COL17A1: variants seen among roughly 807,000 people sequenced by gnomAD.
The protein encoded by COL17A1 is collagen type XVII alpha 1 chain.
Under a neutral mutation model 218.4 loss-of-function variants are expected in COL17A1, and 181 were observed. The observed-to-expected ratio is 0.83, with a 90% CI of 0.73 to 0.94. The LOEUF (loss-of-function observed/expected upper bound fraction) is 0.94. Among genes scored for constraint, COL17A1 ranks in the 40% least tolerant of loss-of-function variants. COL17A1 has a pLI of 0.00. For missense variants in COL17A1, 1,924 were observed against 1,945.9 expected (o/e 0.99, Z 0.21); for synonymous variants, 721 against 731.0 (o/e 0.99, Z 0.22).
Position 104,054,124 on chromosome 10 carries a change from G to C in COL17A1, c.1745-6C>G. 2 of 1,606,258 alleles carry C rather than the reference G, an allele frequency of 1.2e-6. No homozygotes were observed. The highest frequency in any genetic ancestry group is 1.7e-6 in the Non-Finnish European group (2 of 1,176,336). On this transcript the variant is annotated splice_polypyrimidine_tract_variant and splice_region_variant and intron_variant, in intron 20 of 55. Transcript: ENST00000648076. ...CCCAGGGAACCCTCGATCTCCTGCAGGAACAAAGGCAAAAGAGAGAGTGGT... is the reference window on the plus strand; with the variant it reads ...CCCAGGGAACCCTCGATCTCCTGCACGAACAAAGGCAAAAGAGAGAGTGGT...
At chr10:104,055,649 GA>G in intron 18 of COL17A1, 132 bp downstream of exon 18, 1 of 1,325,168 alleles carries the variant, frequency 7.5e-7, no homozygotes, top group East Asian at 2.5e-5. Flanking sequence ...CAGCGCTATT[GA>G]GAGGATCAGG....
At chr10:104,052,722 C>T (rs981887074) in intron 23 of COL17A1, among the ~76,000 whole-genome samples, 14 of 152,178 alleles carry the variant, frequency 9.2e-5, no homozygotes, top group Admixed American at 6.5e-4. Context: ...CTGCCCTGCC[C>T]CCTGAGCCCC....
Position 104,077,490 on chromosome 10 carries a change from G to C in COL17A1, c.134C>G (p.Ser45Cys), listed in dbSNP as rs781524207. The change falls in exon 4 of 56, where the codon TCT becomes TGT. Residue 45 changes from serine to cysteine, a missense_variant. Transcript: ENST00000648076. ...CTCCAGCCGGCTCCCTCCACCAAGA[G>C]AGGCTGTTTTAGCATAGCCATTGCT... ...GTSNGYAKTA[S>C]LGGGSRLEKQ... 2.4e-5 allele frequency: 39 copies of C among 1,613,370 alleles called. No homozygotes were observed. The highest frequency in any genetic ancestry group is 3.1e-5 in the Non-Finnish European group (37 of 1,179,860).
chr10:104,083,740 A>G (rs1182307401), intron 1 of COL17A1, among the ~76,000 whole-genome samples: 1 of 152,260 alleles, frequency 6.6e-6, no homozygotes, highest in Non-Finnish European at 1.5e-5. Context: ...GGTTTAAACC[A>G]TCACATTATC....
rs1245631146 is a variant in COL17A1, at chr10:104,035,319, A to AT, written c.3562dup (p.Ile1188AsnfsTer54). 3.1e-6 allele frequency: 5 copies of AT among 1,614,068 alleles called. No individual in the cohort carries two copies. Among genetic ancestry groups the AT allele is most frequent in the Non-Finnish European group, 4.2e-6 (5 of 1,180,026 alleles). ...GATGCTGGACCACACATTGCCTGGG[A>AT]TCCCTGGTGGACCCGGGGGACCTGG... On this transcript the variant is annotated frameshift_variant, in exon 50 of 56. Transcript: ENST00000648076. LOFTEE classifies it high-confidence loss of function.
chr10:104,049,302 G>T, intron 29 of COL17A1, 107 bp downstream of exon 29: 1 of 993,084 alleles, frequency 1.0e-6, no homozygotes, highest in Non-Finnish European at 1.6e-6. Context: ...ACCAGGAGTG[G>T]GCAGATTAGA....
intron 3 of COL17A1, among the ~76,000 whole-genome samples, chr10:104,077,810 C>A (rs139439595): frequency 2.0e-4 from 30 of 152,272 alleles, no homozygotes; most frequent in African/African-American, 6.7e-4. Flanking sequence ...TAGCAAGTTG[C>A]ATATTAGGAA....
At chr10:104,076,508 TA>T (rs2086712075) in intron 4 of COL17A1, 79 bp from the exon 5 acceptor site, 2 of 1,598,310 alleles carry the variant, frequency 1.3e-6, no homozygotes, top group Admixed American at 3.3e-5. Context: ...CCAGCTATAT[TA>T]ACCAAGTACA....
intron 31 of COL17A1, 28 bp downstream of exon 31, chr10:104,047,711 C>G: frequency 6.3e-7 from 1 of 1,589,936 alleles, no homozygotes; most frequent in Non-Finnish European, 8.6e-7. Flanking sequence ...CTAAGCAGGG[C>G]CATGGCTCCC....
chr10:104,071,652 T>G (rs535023883), intron 8 of COL17A1, among the ~76,000 whole-genome samples: 3 of 152,270 alleles, frequency 2.0e-5, no homozygotes, highest in African/African-American at 7.2e-5. Context: ...TGAGCCGAAC[T>G]GATCCACTGT....
chr10:104,082,985 G>A (rs974051511), intron 1 of COL17A1, among the ~76,000 whole-genome samples: 6 of 152,210 alleles, frequency 3.9e-5, no homozygotes, highest in African/African-American at 1.4e-4. Flanking sequence ...GGCAGGTACA[G>A]GTAGATGCCT....
At position 104,046,766 on chromosome 10, in the gene COL17A1, T is replaced by G; in HGVS notation, c.2343A>C (p.Thr781=). 1 of 1,613,852 alleles carries G rather than the reference T, an allele frequency of 6.2e-7. No homozygotes were observed. The highest frequency in any genetic ancestry group is 8.5e-7 in the Non-Finnish European group (1 of 1,179,884). ...ACTCACCCTGAGGTCCCTGGGGTCCTGTGAGACCTGCAGAAAATCAGACAC... is the reference window on the plus strand; with the variant it reads ...ACTCACCCTGAGGTCCCTGGGGTCCGGTGAGACCTGCAGAAAATCAGACAC... The part of the protein sequence containing the change: ...PSGDPGKPGL[T]GPQGPQGLPG... Residue 781 remains threonine, a synonymous_variant, in exon 32 of 56, where the codon ACA becomes ACC. Coordinates refer to ENST00000648076, the MANE Select transcript of COL17A1 (RefSeq NM_000494.4).
At chr10:104,033,208 G>A in intron 53 of COL17A1, 30 bp downstream of exon 53, 1 of 1,572,224 alleles carries the variant, frequency 6.4e-7, no homozygotes, top group Non-Finnish European at 8.6e-7. Flanking sequence ...CAGTGAGGCA[G>A]GTGCTGGGAA....
rs543674750 is a variant in COL17A1 at position 104,032,120 on chromosome 10, T to C, written c.*115A>G. The C allele has an allele frequency of 1.7e-3, 1,363 of 784,902 alleles. 3 individuals carry two copies. Among genetic ancestry groups the C allele is most frequent in the Middle Eastern group, 4.9e-3 (17 of 3,462 alleles). 48.6% of individuals were successfully genotyped at this position (784,902 alleles called of 1,614,324 possible). On this transcript the variant is annotated 3_prime_UTR_variant, in exon 56 of 56. Coordinates refer to ENST00000648076, the MANE Select transcript of COL17A1 (RefSeq NM_000494.4). ...AACAAATGTTGCTAGCTAGGTTGGC[T>C]GTGCTGTCTCAGTAGGACATTGACA...
In COL17A1 at chr10:104,057,169, A is replaced by C; in HGVS notation, c.1271T>G (p.Ile424Ser). The C allele has an allele frequency of 6.2e-7, 1 of 1,614,012 alleles. No individual in the cohort carries two copies. The highest frequency in any genetic ancestry group is 8.5e-7 in the Non-Finnish European group (1 of 1,179,938). The change falls in exon 17 of 56, where the codon ATC becomes AGC. Residue 424 changes from isoleucine (I) to serine (S), a missense_variant. Ile to Ser is a moderately radical substitution (Grantham distance 142). Coordinates refer to ENST00000648076, the MANE Select transcript of COL17A1 (RefSeq NM_000494.4). ...STKGKTTTADIHSYGSSGGGG... is the reference protein window; with the variant it reads ...STKGKTTTADSHSYGSSGGGG... ...ACCACCACTGCTGCCGTAGCTGTGGATATCTGTGAAAGAGACAGGGAAAAT... is the reference window on the plus strand; with the variant it reads ...ACCACCACTGCTGCCGTAGCTGTGGCTATCTGTGAAAGAGACAGGGAAAAT...
intron 29 of COL17A1, 174 bp from the exon 30 acceptor site, chr10:104,048,278 TCTC>T: frequency 1.3e-6 from 1 of 774,844 alleles, no homozygotes. Context: ...CACTGCCCCT[TCTC>T]CTAAACCAGC....
intron 1 of COL17A1, among the ~76,000 whole-genome samples, chr10:104,080,908 T>C (rs551281710): frequency 3.6e-4 from 55 of 152,384 alleles, no homozygotes; most frequent in African/African-American, 1.3e-3. Flanking sequence ...TGCTGGGATC[T>C]TGTTTTTCAG....
intron 19 of COL17A1, 33 bp downstream of exon 19, chr10:104,055,339 G>C (rs766137087): frequency 9.9e-6 from 16 of 1,613,708 alleles, no homozygotes; most frequent in Non-Finnish European, 1.4e-5. Context: ...TGCAGGAAAT[G>C]AATCAGAGAC....
chr10:104,036,549 A>G lies in COL17A1; in HGVS notation c.3361T>C (p.Ser1121Pro). ...TCTGCATAGTCCAAAGACAGGAGGGACCCATCTCCACTGGCTCCTGGTGGC... is the reference window on the plus strand; with the variant it reads ...TCTGCATAGTCCAAAGACAGGAGGGGCCCATCTCCACTGGCTCCTGGTGGC... ...PGPPGASGDG[S>P]LLSLDYAELS... The change falls in exon 48 of 56, where the codon TCC becomes CCC. Residue 1121 changes from serine to proline, a missense_variant. By Grantham distance (74) the Ser-to-Pro change is moderately conservative. Coordinates refer to ENST00000648076, the MANE Select transcript of COL17A1 (RefSeq NM_000494.4). 8 of 1,613,910 alleles carry G rather than the reference A, an allele frequency of 5.0e-6. No individual in the cohort carries two copies. The highest frequency in any genetic ancestry group is 6.8e-6 in the Non-Finnish European group (8 of 1,179,928).
Sources: gnomAD v4.1 joint callset for allele counts (sites outside exome capture counted in the v4.1 genomes callset) on GRCh38, gnomAD v4.1.1 for gene constraint, MANE v1.5 for transcripts, NCBI Gene and HGNC (gene_info 2026-07-23, HGNC 2026-07-21) for gene names.